Variants in INTS1 observed in about 807,000 individuals in gnomAD.
INTS1 encodes integrator complex subunit 1.
A neutral mutation model predicts 241.6 loss-of-function variants in INTS1; 137 were observed. The observed-to-expected ratio is 0.57, with a 90% CI of 0.49 to 0.65. The LOEUF (loss-of-function observed/expected upper bound fraction) is 0.65. Among genes scored for constraint, INTS1 ranks in the 30% least tolerant of loss-of-function variants. The pLI is 0.00. For synonymous variants in INTS1, 1,692 were observed against 1,337.8 expected (o/e 1.26, Z -5.78); for missense variants, 3,073 against 3,032.2 (o/e 1.01, Z -0.32).
chr7:1,503,708 GC>G (rs1003095892), intron 2 of INTS1, among the ~76,000 whole-genome samples, 194 bp downstream of exon 2: 4 of 152,176 alleles, frequency 2.6e-5, no homozygotes, highest in Non-Finnish European at 5.9e-5. Flanking sequence ...GAAGGAAGTC[GC>G]CACTGTCCCA....
In INTS1 at chr7:1,484,105, C is replaced by G. The variant is rs564014761; in HGVS notation, c.3327G>C (p.Pro1109=). 6.2e-7 allele frequency: 1 copy of G among 1,612,502 alleles called. No homozygotes were observed. The highest frequency in any genetic ancestry group is 1.1e-5 in the South Asian group (1 of 91,086). ...IMSHLFSKLS[P]SAASDAVLSA... is the part of the protein sequence containing the mutation. ...TCAGCACGGCGTCCGACGCGGCACT[C>G]GGGGAGAGCTTCGAGAAGAGGTGGG... The change falls in exon 25 of 48, where the codon CCG becomes CCC. Residue 1109 remains proline, a synonymous_variant. Transcript: ENST00000404767.
chr7:1,484,117 C>T lies in INTS1; in HGVS notation c.3315G>A (p.Ser1105=), dbSNP rs191760411. The T allele has an allele frequency of 1.5e-4, 248 of 1,612,366 alleles. No homozygotes were observed. The African/African-American group carries it at 2.9e-3, about 19-fold the overall frequency. ...ERSTIMSHLF[S]KLSPSAASDA... ...CCGACGCGGCACTCGGGGAGAGCTT[C>T]GAGAAGAGGTGGGACATGATGGTGG... Residue 1105 remains serine, a synonymous_variant, in exon 25 of 48, where the codon TCG becomes TCA. Transcript: ENST00000404767.
intron 27 of INTS1, 107 bp downstream of exon 27, chr7:1,482,439 T>G (rs1583115192): frequency 8.7e-7 from 1 of 1,148,480 alleles, no homozygotes; most frequent in East Asian, 2.5e-5. Flanking sequence ...ACCCGGCCAG[T>G]CTTCTCCTCT....
rs1339418399 is a variant in INTS1, at chr7:1,500,200, G to C, written c.516C>G (p.Pro172=). 6 of 1,599,418 alleles carry C rather than the reference G, an allele frequency of 3.8e-6. No individual in the cohort carries two copies. Among genetic ancestry groups the C allele is most frequent in the African/African-American group, 2.7e-5 (2 of 74,696 alleles). Residue 172 remains proline (P), a synonymous_variant, in exon 4 of 48, where the codon CCC becomes CCG. Transcript: ENST00000404767. ...LSLMYLAKIK[P]NIFATEGVIE... Reference sequence around the variant, plus strand: ...TGACGCCCTCAGTGGCGAAGATGTTGGGCTTGATCTTGGCCAGGTACATGA... The same window carrying C: ...TGACGCCCTCAGTGGCGAAGATGTTCGGCTTGATCTTGGCCAGGTACATGA...
chr7:1,471,553 C>T lies in INTS1; in HGVS notation c.6255+18G>A, dbSNP rs931055656. The T allele has an allele frequency of 6.2e-7, 1 of 1,611,572 alleles. No individual in the cohort carries two copies. The highest frequency in any genetic ancestry group is 1.3e-5 in the African/African-American group (1 of 75,048). On this transcript the variant is annotated intron_variant, in intron 45 of 47. Transcript: ENST00000404767. Reference sequence around the variant, plus strand: ...GGAGTGGCTCCTCCCAGCTCTCCCTCAGCCCCATCCAGCTCACCGAGAAGA... The same window carrying T: ...GGAGTGGCTCCTCCCAGCTCTCCCTTAGCCCCATCCAGCTCACCGAGAAGA...
At position 1,480,371 on chromosome 7, in the gene INTS1, C is replaced by G; in HGVS notation, c.4020G>C (p.Gly1340=). Reference sequence around the variant, plus strand: ...CAGGGCCCAGCACCCGGAGCTGGGTCCCCACCCGAATCCGGCCCTGGCCTA... The same window carrying G: ...CAGGGCCCAGCACCCGGAGCTGGGTGCCCACCCGAATCCGGCCCTGGCCTA... ...QPIGQGRIRV[G]TQLRVLGPED... Residue 1340 remains glycine (G), a synonymous_variant, in exon 30 of 48, where the codon GGG becomes GGC. Coordinates refer to ENST00000404767, the MANE Select transcript of INTS1 (RefSeq NM_001080453.3). 11 of 1,612,358 alleles carry G rather than the reference C, an allele frequency of 6.8e-6. No homozygotes were observed. The highest frequency in any genetic ancestry group is 9.3e-6 in the Non-Finnish European group (11 of 1,179,586).
rs1782065367 is a variant in INTS1, at chr7:1,482,953, G to A, written c.3542-246C>T. 1.5e-5 allele frequency: 8 copies of A among 538,896 alleles called. No individual in the cohort carries two copies. In the East Asian group the frequency reaches 1.9e-4, roughly 13 times the overall value. The allele number at this position is 538,896 out of a possible 1,614,324, so 33.4% of individuals were successfully genotyped here. On this transcript the variant is annotated intron_variant, in intron 26 of 47. Transcript: ENST00000404767. ...CACTGCCATTTTGTCGTGGCCAAGG[G>A]GACATGTGCGTGTCCCCATCCAGCC... is the stretch of plus-strand genomic sequence containing the variant.
At chr7:1,480,959 T>C in intron 28 of INTS1, 26 bp from the exon 29 acceptor site, 1 of 1,558,534 alleles carries the variant, frequency 6.4e-7, no homozygotes, top group South Asian at 1.2e-5. Context: ...GGGTCACACC[T>C]GGGCGCGGCC....
At chr7:1,492,077 AG>A (rs1436648215) in intron 16 of INTS1, among the ~76,000 whole-genome samples, 3 of 152,108 alleles carry the variant, frequency 2.0e-5, no homozygotes, top group Non-Finnish European at 4.4e-5. Context: ...GCCGCTGGGG[AG>A]GGTCTGACAG....
chr7:1,482,338 G>A (rs748716999), intron 27 of INTS1: 22 of 448,088 alleles, frequency 4.9e-5, no homozygotes, highest in African/African-American at 8.0e-5. Flanking sequence ...CCTCTCGGAC[G>A]GGGCCAGCAC....
intron 16 of INTS1, among the ~76,000 whole-genome samples, 165 bp downstream of exon 16, chr7:1,492,845 G>C (rs977419284): frequency 7.1e-6 from 1 of 141,796 alleles, no homozygotes; most frequent in African/African-American, 2.7e-5. Flanking sequence ...GGGCGGGAGT[G>C]GGGAGTGGGG....
rs963482487 is a variant in INTS1 at position 1,481,843 on chromosome 7, G to A, written c.3704-355C>T. Reference sequence around the variant, plus strand: ...GGGCCGCACAAGGGGGCAGCGTGTCGGGACCACCTTGCACCCTGGATGGCA... The same window carrying A: ...GGGCCGCACAAGGGGGCAGCGTGTCAGGACCACCTTGCACCCTGGATGGCA... On this transcript the variant is annotated intron_variant, in intron 27 of 47. Transcript: ENST00000404767. The surrounding 1 kb of genome is among the most constrained non-coding windows in gnomAD (Gnocchi z 6.8). 4.6e-5 allele frequency among the ~76,000 whole-genome samples: 7 copies of A among 151,996 alleles called. No homozygotes were observed. Among genetic ancestry groups the A allele is most frequent in the Admixed American group, 1.3e-4 (2 of 15,264 alleles).
At chr7:1,488,279 G>A (rs1583132131) in intron 18 of INTS1, among the ~76,000 whole-genome samples, 2 of 152,284 alleles carry the variant, frequency 1.3e-5, no homozygotes, top group Admixed American at 6.5e-5. Flanking sequence ...CCTACGCTGG[G>A]AGCATAGCCT....
rs780284734 is a variant in INTS1 at position 1,474,819 on chromosome 7, C to T, written c.5522G>A (p.Arg1841His). 44 of 1,590,190 alleles carry T rather than the reference C, an allele frequency of 2.8e-5. No homozygotes were observed. The highest frequency in any genetic ancestry group is 3.4e-5 in the Non-Finnish European group (40 of 1,170,936). The change falls in exon 40 of 48, where the codon CGC (arginine) becomes CAC (histidine). Residue 1841 changes from arginine to histidine, a missense_variant. Coordinates refer to ENST00000404767, the MANE Select transcript of INTS1 (RefSeq NM_001080453.3). The stretch of plus-strand genomic sequence containing the variant: ...GGTGTCCGCAAGGAGCGTGATGAAG[C>T]GGTGGATGAGTCCGTCCAGCTGCAG... ...SVCKLDGLIH[R>H]FITLLADTSD...
In INTS1 at chr7:1,500,413, A is replaced by G. The variant is rs2304358; in HGVS notation, c.350-47T>C. Reference sequence around the variant, plus strand: ...GTCAGAACGGGGCCAGGGCAGGGTCACCCCAAAGCCTCGGGACACCGGGAA... The same window carrying G: ...GTCAGAACGGGGCCAGGGCAGGGTCGCCCCAAAGCCTCGGGACACCGGGAA... On this transcript the variant is annotated intron_variant, in intron 3 of 47. Transcript: ENST00000404767. 0.45 allele frequency: 657,638 copies of G among 1,469,918 alleles called. 154,900 individuals carry two copies. Among genetic ancestry groups the G allele is most frequent in the African/African-American group, 0.79 (57,022 of 72,090 alleles). The allele number at this position is 1,469,918 out of a possible 1,614,324, so 91.1% of individuals were successfully genotyped here.
chr7:1,504,026 A>T lies in INTS1; in HGVS notation c.-41-25T>A, dbSNP rs150505790. On this transcript the variant is annotated intron_variant, in intron 1 of 47. Coordinates refer to ENST00000404767, the MANE Select transcript of INTS1 (RefSeq NM_001080453.3). Reference sequence around the variant, plus strand: ...CCTGCGGAGGAGCCAGCGTGCGGTCATTCCTTCACTCATTCGCTCGTTCGC... The same window carrying T: ...CCTGCGGAGGAGCCAGCGTGCGGTCTTTCCTTCACTCATTCGCTCGTTCGC... 5,799 of 1,192,032 alleles carry T rather than the reference A, an allele frequency of 4.9e-3. 27 individuals are homozygous for T. The highest frequency in any genetic ancestry group is 0.012 in the Middle Eastern group (62 of 5,072). 73.8% of individuals were successfully genotyped at this position (1,192,032 alleles called of 1,614,324 possible).
In INTS1 at chr7:1,474,266, C is replaced by T. The variant is rs765214911; in HGVS notation, c.5731G>A (p.Val1911Met). The change falls in exon 41 of 48, where the codon GTG becomes ATG. Residue 1911 changes from valine (V) to methionine (M), a missense_variant. Physicochemically the swap from Val to Met is conservative, Grantham distance 21. Coordinates refer to ENST00000404767, the MANE Select transcript of INTS1 (RefSeq NM_001080453.3). ...TGCAGCAGCTCCAGCAGGCCCAGCACGTGCAGGAAGCAGCTCAGGTGGTTC... is the reference window on the plus strand; with the variant it reads ...TGCAGCAGCTCCAGCAGGCCCAGCATGTGCAGGAAGCAGCTCAGGTGGTTC... The part of the protein sequence containing the change: ...QQNHLSCFLH[V>M]LGLLELLQPH... The T allele has an allele frequency of 8.7e-6, 14 of 1,607,926 alleles. No homozygotes were observed. The highest frequency in any genetic ancestry group is 2.2e-5 in the East Asian group (1 of 44,784).
chr7:1,489,622 C>T lies in INTS1; in HGVS notation c.2226G>A (p.Leu742=). 2 of 1,591,234 alleles carry T rather than the reference C, an allele frequency of 1.3e-6. No homozygotes were observed. The highest frequency in any genetic ancestry group is 1.7e-6 in the Non-Finnish European group (2 of 1,167,714). Residue 742 remains leucine, a synonymous_variant, in exon 17 of 48, where the codon CTG becomes CTA. Transcript: ENST00000404767. ...TCTCTGGGTTGAATGCGGCGACGAC[C>T]AGCAGGAGGGGCCAGGCCTTCCAGT... ...TLYWKAWPLL[L]VVAAFNPENI...
Position 1,503,051 on chromosome 7 carries a change from T to A in INTS1, c.199A>T (p.Ser67Cys), listed in dbSNP as rs866603334. 4 of 1,613,316 alleles carry A rather than the reference T, an allele frequency of 2.5e-6. No individual in the cohort carries two copies. The East Asian group carries it at 8.9e-5, about 36-fold the overall frequency. Residue 67 changes from serine to cysteine, a missense_variant, in exon 3 of 48, where the codon AGT becomes TGT. Physicochemically the swap from Ser to Cys is moderately radical, Grantham distance 112 (BLOSUM62 -1). Transcript: ENST00000404767. ...RKRDAAAALS[S>C]ASALTGLTKR... ...GTGAGACCGGTGAGGGCCGAGGCAC[T>A]GGACAACGCGGCCGCCGCATCCCGC...
Sources: allele counts gnomAD v4.1 joint callset (sites outside exome capture counted in the v4.1 genomes callset), GRCh38; gene constraint gnomAD v4.1.1; non-coding constraint Gnocchi (gnomAD v3.1); transcripts MANE v1.5; gene names NCBI Gene and HGNC (gene_info 2026-07-23, HGNC 2026-07-21).